The following TJP1 variants were observed in gnomAD, a reference collection of about 807,000 sequenced individuals.
The protein encoded by TJP1 is tight junction protein ZO-1.
TJP1 carries 43 observed loss-of-function variants against 194.2 expected under a neutral mutation model. The ratio of observed to expected loss-of-function variants is 0.22; its 90% CI spans 0.17 to 0.29. The LOEUF is 0.29. TJP1 is among the 10% of genes least tolerant of loss of function. TJP1 has a pLI of 1.00. For missense variants in TJP1, 1,971 were observed against 2,185.7 expected, an observed-to-expected ratio of 0.90 and a Z score of 1.96; for synonymous variants, 801 against 779.0, an observed-to-expected ratio of 1.03 and a Z score of -0.47.
intron 11 of TJP1, among the ~76,000 whole-genome samples, chr15:29,735,484 G>A (rs1355475706): frequency 1.3e-5 from 2 of 151,630 alleles, no homozygotes; most frequent in Non-Finnish European, 2.9e-5. Flanking sequence ...AGCTACTCAG[G>A]AGGCTGAGGG....
At chr15:29,949,645 C>CACCACAACCTCCACCTCCACA (rs2055539900) in intron 2 of TJP1, among the ~76,000 whole-genome samples, 1 of 114,032 alleles carries the variant, frequency 8.8e-6, no homozygotes, top group African/African-American at 3.2e-5. Flanking sequence ...CCACCTCCAC[C>CACCACAACCTCCACCTCCACA]ACCACCACCT....
At chr15:29,765,610 C>A (rs2046283583) in intron 5 of TJP1, among the ~76,000 whole-genome samples, 1 of 152,142 alleles carries the variant, frequency 6.6e-6, no homozygotes, top group African/African-American at 2.4e-5. Flanking sequence ...GAAGTCCCAG[C>A]AGGGCACAGT....
At position 29,848,292 on chromosome 15, in the gene TJP1, T is replaced by C. The variant is rs554585848; in HGVS notation, c.307-47590A>G. 1.6e-3 allele frequency among the ~76,000 whole-genome samples: 244 copies of C among 152,348 alleles called. 2 individuals are homozygous for C. The highest frequency in any genetic ancestry group is 2.4e-3 in the Non-Finnish European group (161 of 68,034). On this transcript the variant is annotated intron_variant, in intron 2 of 28. Transcript: ENST00000356107. ...GATTTACTATTTAGTATTTCTCAGT[T>C]GCTGAGAGGGTGCTGTGATCCTCAA...
At chr15:29,941,932 C>T (rs1000769780) in intron 2 of TJP1, among the ~76,000 whole-genome samples, 13 of 152,038 alleles carry the variant, frequency 8.6e-5, no homozygotes, top group South Asian at 2.1e-4. Flanking sequence ...ATGAAGAGGC[C>T]GTGAGGAGGG....
chr15:29,787,911 C>G (rs1325920600), intron 2 of TJP1, among the ~76,000 whole-genome samples: 1 of 152,168 alleles, frequency 6.6e-6, no homozygotes, highest in Non-Finnish European at 1.5e-5. Context: ...TCTACAGCAG[C>G]TGCACCATTT....
At chr15:29,778,963 G>T (rs1288025094) in intron 2 of TJP1, among the ~76,000 whole-genome samples, 1 of 152,072 alleles carries the variant, frequency 6.6e-6, no homozygotes, top group Non-Finnish European at 1.5e-5. Flanking sequence ...ATTTAAAATC[G>T]AAGGCTAACC....
At chr15:29,788,660 C>G (rs1350056581) in intron 2 of TJP1, among the ~76,000 whole-genome samples, 1 of 152,168 alleles carries the variant, frequency 6.6e-6, no homozygotes, top group Non-Finnish European at 1.5e-5. Flanking sequence ...CTTAAAATTA[C>G]CTGACTAGTT....
intron 2 of TJP1, among the ~76,000 whole-genome samples, chr15:29,885,696 C>T (rs529184776): frequency 2.6e-5 from 4 of 152,284 alleles, no homozygotes; most frequent in Admixed American, 6.5e-5. Context: ...TTTATTTGGG[C>T]ATCTAAGAAC....
intron 9 of TJP1, among the ~76,000 whole-genome samples, chr15:29,742,201 C>T (rs2151347972): frequency 6.6e-6 from 1 of 151,846 alleles, no homozygotes; most frequent in East Asian, 1.9e-4. Context: ...TTACAGCGAG[C>T]TAATCACACC....
chr15:29,728,185 C>T, intron 15 of TJP1, 166 bp from the exon 16 acceptor site: 20 of 354,818 alleles, frequency 5.6e-5, no homozygotes, highest in South Asian at 3.2e-4. Context: ...GCATACTTCC[C>T]TTTTTTTTTT....
chr15:29,872,271 A>G (rs939980), intron 2 of TJP1, among the ~76,000 whole-genome samples: 15,682 of 152,244 alleles, frequency 0.1, 1,118 homozygotes, highest in African/African-American at 0.21. Context: ...ACTGTGCTAG[A>G]TTATGTGGCA....
rs1167186293 is a variant in TJP1 at position 29,822,164 on chromosome 15, G to A, written c.-136C>T. On this transcript the variant is annotated 5_prime_UTR_variant, in exon 1 of 28. Coordinates refer to ENST00000614355, the MANE Select transcript of TJP1 (RefSeq NM_001330239.4). ...GGCACGGGCGGGGGCGGCCGGAAGGGCCCGGCCCAGGGGGAGGGAATTCAA... is the reference window on the plus strand; with the variant it reads ...GGCACGGGCGGGGGCGGCCGGAAGGACCCGGCCCAGGGGGAGGGAATTCAA... The A allele has an allele frequency of 8.5e-7, 1 of 1,182,290 alleles. No individual in the cohort carries two copies. The highest frequency in any genetic ancestry group is 1.0e-6 in the Non-Finnish European group (1 of 955,112). The allele number at this position is 1,182,290 out of a possible 1,614,324, so 73.2% of individuals were successfully genotyped here. A position where few individuals can be genotyped will look rare whatever the true frequency, so the allele number is the denominator to read the frequency against.
chr15:29,742,822 A>G, intron 8 of TJP1, 41 bp from the exon 9 acceptor site: 1 of 1,534,494 alleles, frequency 6.5e-7, no homozygotes, highest in Admixed American at 2.2e-5. Flanking sequence ...CATAAGAATG[A>G]TTCTGGAAAG....
At chr15:29,929,901 A>T (rs1394741304) in intron 2 of TJP1, among the ~76,000 whole-genome samples, 1 of 152,142 alleles carries the variant, frequency 6.6e-6, no homozygotes, top group Non-Finnish European at 1.5e-5. Context: ...GAATGAAAAA[A>T]TGATTACAAC....
At chr15:29,769,968 C>T (rs11638797) in intron 4 of TJP1, among the ~76,000 whole-genome samples, 12,218 of 151,970 alleles carry the variant, frequency 0.08, 529 homozygotes, top group African/African-American at 0.088. Flanking sequence ...AGGTGTTCCA[C>T]AAGAAGGCAT....
upstream of TJP1, chr15:29,824,037 C>G (rs929989664): frequency 2.4e-5 from 3 of 126,902 alleles, no homozygotes; most frequent in East Asian, 4.9e-4. Context: ...GAGTCCAGAT[C>G]GTGCCACTGT....
chr15:29,853,182 A>G (rs1394611339), intron 2 of TJP1, among the ~76,000 whole-genome samples: 1 of 152,228 alleles, frequency 6.6e-6, no homozygotes, highest in Non-Finnish European at 1.5e-5. Flanking sequence ...AATTCCATTT[A>G]TAGAACATTT....
intron 2 of TJP1, among the ~76,000 whole-genome samples, chr15:29,892,615 A>C (rs905105017): frequency 6.6e-6 from 1 of 152,198 alleles, no homozygotes; most frequent in African/African-American, 2.4e-5. Flanking sequence ...TCATTCTGAA[A>C]ATCCTAGGGC....
chr15:29,797,409 C>T (rs1308149363), intron 2 of TJP1, among the ~76,000 whole-genome samples: 1 of 151,998 alleles, frequency 6.6e-6, no homozygotes, highest in African/African-American at 2.4e-5. Context: ...CTTGGCCTAC[C>T]AAAGTGTTGG....
Sources: allele counts gnomAD v4.1 joint callset (sites outside exome capture counted in the v4.1 genomes callset), GRCh38; gene constraint gnomAD v4.1.1; transcripts MANE v1.5; gene names NCBI Gene and HGNC (gene_info 2026-07-23, HGNC 2026-07-21).